The following IL19 variants were observed in gnomAD, a reference collection of about 807,000 sequenced individuals.
IL19 encodes interleukin 19, also known as interleukin-19.
A neutral mutation model predicts 19.5 loss-of-function variants in IL19; 15 were observed. The observed-to-expected ratio is 0.77, with a 90% CI of 0.52 to 1.19. IL19 has a LOEUF of 1.19. Among genes scored for constraint, IL19 ranks in the 50% most tolerant of loss-of-function variants. The pLI, the probability that IL19 is intolerant of heterozygous loss-of-function variation, is 0.00. For missense variants in IL19, 199 were observed against 213.1 expected (o/e 0.93, Z 0.41); for synonymous variants, 78 against 78.3 (o/e 1.00, Z 0.02).
chr1:206,790,018 T>C (rs569564422), intron 1 of IL19, among the ~76,000 whole-genome samples: 1 of 152,344 alleles, frequency 6.6e-6, no homozygotes, highest in South Asian at 2.1e-4. Flanking sequence ...CTTTTTGATA[T>C]ATATAGTGAC....
intron 1 of IL19, among the ~76,000 whole-genome samples, chr1:206,792,179 G>A (rs1446936766): frequency 6.6e-6 from 1 of 152,180 alleles, no homozygotes; most frequent in Non-Finnish European, 1.5e-5. Flanking sequence ...ATTCCACCCT[G>A]GAAATAGTAT....
chr1:206,806,564 A>C (rs1675850775), intron 2 of IL19, among the ~76,000 whole-genome samples: 2 of 152,224 alleles, frequency 1.3e-5, no homozygotes, highest in Non-Finnish European at 2.9e-5. Flanking sequence ...TGCCTAGGTA[A>C]ATTGTCACTC....
At chr1:206,842,099 A>G (rs1677035637) in intron 6 of IL19, among the ~76,000 whole-genome samples, 1 of 152,176 alleles carries the variant, frequency 6.6e-6, no homozygotes, top group East Asian at 1.9e-4. Flanking sequence ...TTAGTGCTCT[A>G]ATATGTCAAA....
chr1:206,816,792 C>T (rs542087826), intron 2 of IL19, among the ~76,000 whole-genome samples: 9 of 152,088 alleles, frequency 5.9e-5, no homozygotes, highest in Non-Finnish European at 1.0e-4. Context: ...ATATGAGAGA[C>T]ATACTTTAAA....
At position 206,770,992 on chromosome 1, in the gene IL19, G is replaced by A; in HGVS notation, c.-235G>A. The A allele has an allele frequency of 6.2e-7, 1 of 1,614,140 alleles. No homozygotes were observed. The highest frequency in any genetic ancestry group is 8.5e-7 in the Non-Finnish European group (1 of 1,179,986). ...CTTGATGTCTGGGTCTTGGTTCTCA[G>A]CTTGGGGCATCACCTCCTCCAGGTA... On this transcript the variant is annotated 5_prime_UTR_variant, in exon 1 of 7. Transcript: ENST00000659997.
At chr1:206,834,099 A>C (rs1676702653) in intron 2 of IL19, 1 of 985,476 alleles carries the variant, frequency 1.0e-6, no homozygotes. Context: ...ATTGCAAAAA[A>C]TTCTCATTTG....
Position 206,771,778 on chromosome 1 carries a change from C to G in IL19, c.-149+700C>G, listed in dbSNP as rs1469841354. Among the ~76,000 whole-genome samples the G allele has an allele frequency of 2.6e-5, 4 of 152,204 alleles. No homozygotes were observed. In the East Asian group the frequency reaches 7.7e-4, roughly 29 times the overall value. On this transcript the variant is annotated intron_variant, in intron 1 of 6. Transcript: ENST00000659997. ...GTCCTGTTCTCTGCTTTTCTTTCTC[C>G]CCACTGTAGACATCCAGTTTAGCTT...
intron 4 of IL19, among the ~76,000 whole-genome samples, chr1:206,838,025 G>T (rs1676859583): frequency 6.6e-6 from 1 of 152,180 alleles, no homozygotes; most frequent in African/African-American, 2.4e-5. Context: ...GGGTATAAAA[G>T]AATAAAAGAA....
chr1:206,838,963 T>C (rs1676902212), intron 4 of IL19, among the ~76,000 whole-genome samples: 1 of 152,212 alleles, frequency 6.6e-6, no homozygotes, highest in Admixed American at 6.5e-5. Flanking sequence ...TGTTGCCATC[T>C]AGGAAAAGCT....
chr1:206,796,314 A>T (rs1459077136), intron 1 of IL19, among the ~76,000 whole-genome samples: 5 of 152,214 alleles, frequency 3.3e-5, no homozygotes, highest in Non-Finnish European at 7.3e-5. Context: ...TCTCTTCCAG[A>T]AACATTCTCA....
Position 206,841,051 on chromosome 1 carries a change from C to T in IL19, c.411C>T (p.Thr137=). The T allele has an allele frequency of 6.2e-7, 1 of 1,614,056 alleles. No homozygotes were observed. The highest frequency in any genetic ancestry group is 8.5e-7 in the Non-Finnish European group (1 of 1,179,910). ...GCAGGCAGGAAGCCACCAATGCCACCAGAGTCATCCATGACAACTATGATC... is the reference window on the plus strand; with the variant it reads ...GCAGGCAGGAAGCCACCAATGCCACTAGAGTCATCCATGACAACTATGATC... The part of the protein sequence containing the change: ...CHCRQEATNA[T]RVIHDNYDQL... The change falls in exon 6 of 7, where the codon ACC becomes ACT. Residue 137 remains threonine (T), a synonymous_variant. Transcript: ENST00000659997.
intron 2 of IL19, among the ~76,000 whole-genome samples, chr1:206,833,041 T>C (rs1676664993): frequency 6.6e-6 from 1 of 152,230 alleles, no homozygotes; most frequent in Admixed American, 6.5e-5. Context: ...CCAAGGTCAC[T>C]TCATTTGGTT....
intron 1 of IL19, among the ~76,000 whole-genome samples, chr1:206,788,565 AT>A (rs1274610410): frequency 6.6e-6 from 1 of 151,478 alleles, no homozygotes; most frequent in Admixed American, 6.6e-5. Context: ...GGTACAAGTG[AT>A]TTTTGGTTAC....
chr1:206,801,847 A>C (rs988803043), intron 2 of IL19, among the ~76,000 whole-genome samples: 2 of 152,184 alleles, frequency 1.3e-5, no homozygotes, highest in Non-Finnish European at 2.9e-5. Flanking sequence ...CTCACAATAC[A>C]TACTCTGTTT....
chr1:206,807,526 G>C (rs1213209913), intron 2 of IL19, among the ~76,000 whole-genome samples: 1 of 151,938 alleles, frequency 6.6e-6, no homozygotes, highest in Non-Finnish European at 1.5e-5. Context: ...TCTTTTCCTG[G>C]CTCCTTCTTT....
At chr1:206,825,884 G>C (rs1676424271) in intron 2 of IL19, among the ~76,000 whole-genome samples, 1 of 152,176 alleles carries the variant, frequency 6.6e-6, no homozygotes. Flanking sequence ...TACATTTTGA[G>C]GATAAAGTGA....
rs578235793 is a variant in IL19 at position 206,842,875 on chromosome 1, A to G, written c.*253A>G. The G allele has an allele frequency of 4.8e-6, 2 of 417,206 alleles. No homozygotes were observed. Among genetic ancestry groups the G allele is most frequent in the African/African-American group, 2.0e-5 (1 of 50,146 alleles). 25.8% of individuals were successfully genotyped at this position (417,206 alleles called of 1,614,324 possible). On this transcript the variant is annotated 3_prime_UTR_variant, in exon 7 of 7. Transcript: ENST00000659997. ...AAAGGGCTGCCTTCCCATCTAATTT[A>G]TTGTAAAGTCATATAGTCCATGTCT...
At chr1:206,781,741 C>T (rs914050032) in intron 1 of IL19, among the ~76,000 whole-genome samples, 1 of 151,274 alleles carries the variant, frequency 6.6e-6, no homozygotes, top group African/African-American at 2.4e-5. Context: ...CCAGCCTTGC[C>T]CCCGGTTCCC....
chr1:206,775,895 A>G (rs896642216), intron 1 of IL19, among the ~76,000 whole-genome samples: 1 of 152,232 alleles, frequency 6.6e-6, no homozygotes, highest in African/African-American at 2.4e-5. Context: ...GTGAATTTCA[A>G]GAGGACACAA....
Sources: gnomAD v4.1 joint callset for allele counts (sites outside exome capture counted in the v4.1 genomes callset) on GRCh38, gnomAD v4.1.1 for gene constraint, MANE v1.5 for transcripts, NCBI Gene and HGNC (gene_info 2026-07-23, HGNC 2026-07-21) for gene names.